LRRN4: variants seen among roughly 807,000 people sequenced by gnomAD.
LRRN4 encodes leucine rich repeat neuronal 4, also known as leucine-rich repeat neuronal protein 4.
LRRN4 carries 26 observed loss-of-function variants against 22.3 expected under a neutral mutation model. That is an observed-to-expected ratio of 1.16 (90% CI 0.85 to 1.62). The LOEUF (loss-of-function observed/expected upper bound fraction) is 1.62, where lower values mean the gene tolerates loss of function less well. LRRN4 is among the 40% of genes most tolerant of loss of function. The probability of loss-of-function intolerance (pLI) is 0.00; values close to 1 mark genes in which losing one functional copy is unlikely to be tolerated. For missense variants in LRRN4, 1,070 were observed against 1,008.5 expected, an observed-to-expected ratio of 1.06 and a Z score of -0.83; for synonymous variants, 496 against 486.2, an observed-to-expected ratio of 1.02 and a Z score of -0.26.
chr20:6,052,514 C>G lies in LRRN4; in HGVS notation c.286G>C (p.Gly96Arg), dbSNP rs371094906. ...AGCACCTGCAGCTGCTCCAGGTGGC[C>G]GAGCTCGGAAGTGCTCAGGGCGCGC... Reference protein sequence around the residue: ...LLRALSTSELGHLEQLQVLTL... With the variant: ...LLRALSTSELRHLEQLQVLTL... The change falls in exon 2 of 5, where the codon GGC (glycine) becomes CGC (arginine). Residue 96 changes from glycine to arginine, a missense_variant. Physicochemically the swap from Gly to Arg is moderately radical, Grantham distance 125 (BLOSUM62 -2). Coordinates refer to ENST00000378858, the MANE Select transcript of LRRN4 (RefSeq NM_152611.5). 41 of 1,584,370 alleles carry G rather than the reference C, an allele frequency of 2.6e-5. No homozygotes were observed. Among genetic ancestry groups the G allele is most frequent in the Middle Eastern group, 1.8e-4 (1 of 5,684 alleles).
rs1166600949 is a variant in LRRN4 at position 6,041,327 on chromosome 20, C to G, written c.1918G>C (p.Gly640Arg). Residue 640 changes from glycine to arginine, a missense_variant, in exon 5 of 5, where the codon GGG (glycine) becomes CGG (arginine). Transcript: ENST00000378858. This position sits in a 1 kb window ranked among gnomAD's most constrained non-coding sequence, Gnocchi z 9.4. ...CGGTAGGTGGTGCCCGGCGACAGCC[C>G]GTACAGAGGGTGCTGCCGGGCCGTG... ...YATARQHPLYGLSPGTTYRVC... is the reference protein window; with the variant it reads ...YATARQHPLYRLSPGTTYRVC... 2.5e-6 allele frequency: 4 copies of G among 1,598,156 alleles called. No homozygotes were observed. The highest frequency in any genetic ancestry group is 1.7e-5 in the Admixed American group (1 of 59,502).
At chr20:6,051,256 A>G (rs1055180015) in intron 2 of LRRN4, among the ~76,000 whole-genome samples, 1 of 152,240 alleles carries the variant, frequency 6.6e-6, no homozygotes, top group Non-Finnish European at 1.5e-5. Flanking sequence ...AAAGCGGCAG[A>G]GACAAGGCTT....
chr20:6,043,284 A>T (rs1308406544), intron 4 of LRRN4, among the ~76,000 whole-genome samples: 1 of 152,158 alleles, frequency 6.6e-6, no homozygotes, highest in Non-Finnish European at 1.5e-5. Flanking sequence ...GTATGGTGGC[A>T]CATGGCTGTG....
At chr20:6,048,434 A>T (rs1981161983) in intron 3 of LRRN4, among the ~76,000 whole-genome samples, 1 of 152,106 alleles carries the variant, frequency 6.6e-6, no homozygotes, top group African/African-American at 2.4e-5. Flanking sequence ...TCCTCCTCCA[A>T]GCTTCAGTCT....
intron 4 of LRRN4, among the ~76,000 whole-genome samples, chr20:6,042,640 G>A (rs945284836): frequency 6.6e-6 from 1 of 152,128 alleles, no homozygotes; most frequent in East Asian, 1.9e-4. Context: ...ATCATACTCG[G>A]GCCGGTGCGA....
intron 4 of LRRN4, among the ~76,000 whole-genome samples, chr20:6,042,640 G>T (rs945284836): frequency 2.0e-5 from 3 of 152,128 alleles, no homozygotes; most frequent in Non-Finnish European, 4.4e-5. Context: ...ATCATACTCG[G>T]GCCGGTGCGA....
chr20:6,043,983 T>C (rs1471215634), intron 4 of LRRN4, among the ~76,000 whole-genome samples: 1 of 151,988 alleles, frequency 6.6e-6, no homozygotes, highest in African/African-American at 2.4e-5. Flanking sequence ...GTTTACTTGG[T>C]GGAAATGGTT....
rs1297600683 is a variant in LRRN4, at chr20:6,041,465, TGTCC to T, written c.1776_1779del (p.Asp593ArgfsTer13). On this transcript the variant is annotated frameshift_variant, in exon 5 of 5. Transcript: ENST00000378858. LOFTEE classifies it low-confidence loss of function (END_TRUNC). This position sits in a 1 kb window ranked among gnomAD's most constrained non-coding sequence, Gnocchi z 9.4. ...GCACACCAGTGGACCAGCGCCGACGTGTCCGTGGTCTCCGTCACCCCCTGCAGCC... is the reference window on the plus strand; with the variant it reads ...GCACACCAGTGGACCAGCGCCGACGTGTGGTCTCCGTCACCCCCTGCAGCC... 1.3e-6 allele frequency: 2 copies of T among 1,555,812 alleles called. No homozygotes were observed. The highest frequency in any genetic ancestry group is 4.5e-5 in the East Asian group (2 of 44,346).
chr20:6,041,139 G>A lies in LRRN4; in HGVS notation c.2106C>T (p.Ser702=). Residue 702 remains serine, a synonymous_variant, in exon 5 of 5, where the codon TCC becomes TCT. Coordinates refer to ENST00000378858, the MANE Select transcript of LRRN4 (RefSeq NM_152611.5). The surrounding 1 kb of genome is among the most constrained non-coding windows in gnomAD (Gnocchi z 9.4). ...GLLLASTVVL[S]ACLCRRGQTL... ...TCTGGCCCCGCCTGCAGAGACATGC[G>A]GACAGCACCACGGTGCTGGCGAGCA... 6.2e-7 allele frequency: 1 copy of A among 1,609,566 alleles called. No homozygotes were observed. Among genetic ancestry groups the A allele is most frequent in the Non-Finnish European group, 8.5e-7 (1 of 1,178,080 alleles).
rs145072155 is a variant in LRRN4 at position 6,042,973 on chromosome 20, C to T, written c.999-727G>A. On this transcript the variant is annotated intron_variant, in intron 4 of 4. Coordinates refer to ENST00000378858, the MANE Select transcript of LRRN4 (RefSeq NM_152611.5). The stretch of plus-strand genomic sequence containing the variant: ...AGCTACCATTTCTGAGTGCTTCCCA[C>T]GTGCTAGGCGCTATTCTTCACACTC... Among the ~76,000 whole-genome samples the T allele has an allele frequency of 1.1e-3, 162 of 151,938 alleles. 3 individuals carry two copies. In the East Asian group the frequency reaches 0.029, roughly 27 times the overall value.
chr20:6,050,686 A>G (rs1981221486), intron 3 of LRRN4, 93 bp downstream of exon 3: 12 of 1,249,876 alleles, frequency 9.6e-6, no homozygotes, highest in Non-Finnish European at 1.4e-5. Context: ...GTAGTGGGAG[A>G]AAAATTAAGG....
chr20:6,050,738 A>C (rs759404820), intron 3 of LRRN4, 41 bp downstream of exon 3: 2 of 1,590,160 alleles, frequency 1.3e-6, no homozygotes, highest in Non-Finnish European at 1.7e-6. Context: ...TAATGGGCAA[A>C]AATCAGTCAT....
At position 6,050,900 on chromosome 20, in the gene LRRN4, C is replaced by A. The variant is rs757844567; in HGVS notation, c.739G>T (p.Asp247Tyr). The A allele has an allele frequency of 9.3e-6, 15 of 1,613,996 alleles. No homozygotes were observed. The highest frequency in any genetic ancestry group is 2.2e-5 in the East Asian group (1 of 44,894). Residue 247 changes from aspartate (D) to tyrosine (Y), a missense_variant, in exon 3 of 5, where the codon GAC becomes TAC. Transcript: ENST00000378858. Reference protein sequence around the residue: ...KMPRLTTLEGDIFKMTPNLQQ... With the variant: ...KMPRLTTLEGYIFKMTPNLQQ... ...AGGTTGGGGGTCATCTTGAAAATGT[C>A]CCCCTCCAGGGTCGTCAGCCGAGGC...
chr20:6,044,439 C>A (rs1981053626), intron 4 of LRRN4, 104 bp downstream of exon 4: 3 of 1,209,798 alleles, frequency 2.5e-6, no homozygotes, highest in Admixed American at 4.0e-5. Flanking sequence ...CCCAACATGG[C>A]CAAAGTGCCA....
chr20:6,042,089 C>A lies in LRRN4; in HGVS notation c.1156G>T (p.Gly386Cys), dbSNP rs369964130. The change falls in exon 5 of 5, where the codon GGT (glycine) becomes TGT (cysteine). Residue 386 changes from glycine to cysteine, a missense_variant. Gly to Cys is a radical substitution (Grantham distance 159). Coordinates refer to ENST00000378858, the MANE Select transcript of LRRN4 (RefSeq NM_152611.5). The stretch of plus-strand genomic sequence containing the variant: ...GCTGCGCTGGGCGCGACGGTGGTAC[C>A]CTGTGCGTAGGTGGAGCGGTTGAAG... ...PCFNRSTYAQ[G>C]TTVAPSAAPA... The A allele has an allele frequency of 2.5e-6, 4 of 1,613,994 alleles. No homozygotes were observed. The highest frequency in any genetic ancestry group is 3.4e-6 in the Non-Finnish European group (4 of 1,179,996).
In LRRN4 at chr20:6,040,948, C is replaced by CGT; in HGVS notation, c.*72_*73dup. 260 of 1,568,676 alleles carry CGT rather than the reference C, an allele frequency of 1.7e-4. No homozygotes were observed. The highest frequency in any genetic ancestry group is 1.9e-4 in the Non-Finnish European group (214 of 1,154,966). ...TAGAAACCCTAGGAGCGGATGGGGT[C>CGT]GTTTTTGACCGTCTGTGTCTTCCTT... is the stretch of plus-strand genomic sequence containing the variant. On this transcript the variant is annotated 3_prime_UTR_variant, in exon 5 of 5. Coordinates refer to ENST00000378858, the MANE Select transcript of LRRN4 (RefSeq NM_152611.5).
Position 6,041,793 on chromosome 20 carries a change from G to T in LRRN4, c.1452C>A (p.Gly484=). Reference sequence around the variant, plus strand: ...TGCGGTCCCACGAGGTAGGGAAGGGGCCCAGGAGCTTGCTGGCCAGTGGGG... The same window carrying T: ...TGCGGTCCCACGAGGTAGGGAAGGGTCCCAGGAGCTTGCTGGCCAGTGGGG... ...ASTPLASKLL[G]PFPTSWDRSI... Residue 484 remains glycine (G), a synonymous_variant, in exon 5 of 5, where the codon GGC becomes GGA. Transcript: ENST00000378858. The surrounding 1 kb of genome is among the most constrained non-coding windows in gnomAD (Gnocchi z 9.4). The T allele has an allele frequency of 6.2e-7, 1 of 1,614,162 alleles. No homozygotes were observed. Among genetic ancestry groups the T allele is most frequent in the East Asian group, 2.2e-5 (1 of 44,874 alleles).
intron 2 of LRRN4, among the ~76,000 whole-genome samples, chr20:6,051,611 T>C (rs6053853): frequency 0.095 from 14,450 of 152,228 alleles, 2,271 homozygotes; most frequent in African/African-American, 0.32. Context: ...ACCACTCTCC[T>C]GTGGCTTGAG....
chr20:6,050,749 G>A (rs1981222822), intron 3 of LRRN4, 30 bp downstream of exon 3: 2 of 1,598,252 alleles, frequency 1.3e-6, no homozygotes, highest in African/African-American at 1.3e-5. Context: ...AATCAGTCAT[G>A]TGATGAAGAT....
Sources: allele counts gnomAD v4.1 joint callset (sites outside exome capture counted in the v4.1 genomes callset), GRCh38; gene constraint gnomAD v4.1.1; non-coding constraint Gnocchi (gnomAD v3.1); transcripts MANE v1.5; gene names NCBI Gene and HGNC (gene_info 2026-07-23, HGNC 2026-07-21).